Variants in NELL2 observed in about 807,000 individuals in gnomAD.
The protein encoded by NELL2 is protein kinase C-binding protein NELL2.
In NELL2, 41 loss-of-function variants were observed where a neutral mutation model predicts 109.6. That is an observed-to-expected ratio of 0.37 (90% confidence interval 0.29 to 0.49). The LOEUF (loss-of-function observed/expected upper bound fraction) is 0.49, where lower values mean the gene tolerates loss of function less well. Ranked by LOEUF, NELL2 falls within the 20% of genes least tolerant of loss-of-function variation. The pLI, the probability that NELL2 is intolerant of heterozygous loss-of-function variation, is 0.98. For synonymous variants in NELL2, 355 were observed against 344.7 expected (o/e 1.03, Z -0.33); for missense variants, 900 against 1,008.3 (o/e 0.89, Z 1.45).
At chr12:44,514,445 AC>A (rs1274339115) in intron 19 of NELL2, among the ~76,000 whole-genome samples, 1 of 151,892 alleles carries the variant, frequency 6.6e-6, no homozygotes, top group Non-Finnish European at 1.5e-5. Context: ...GTATGATAAA[AC>A]ATTTTGACAG....
intron 3 of NELL2, among the ~76,000 whole-genome samples, chr12:44,804,957 T>C (rs557828348): frequency 2.6e-5 from 4 of 151,938 alleles, no homozygotes; most frequent in Non-Finnish European, 4.4e-5. Context: ...TCCATTTTTC[T>C]AGTAATACGT....
chr12:44,595,577 C>T (rs928605488), intron 15 of NELL2, among the ~76,000 whole-genome samples: 13 of 149,978 alleles, frequency 8.7e-5, no homozygotes, highest in Non-Finnish European at 1.8e-4. Flanking sequence ...CAGGCGCCTG[C>T]CACCACACCC....
At chr12:44,852,715 G>A (rs1319975095) in intron 2 of NELL2, among the ~76,000 whole-genome samples, 1 of 152,264 alleles carries the variant, frequency 6.6e-6, no homozygotes, top group East Asian at 1.9e-4. Context: ...CTCCCCACTC[G>A]ACAGTTTCCT....
chr12:44,634,459 G>T (rs1592242209), intron 13 of NELL2, among the ~76,000 whole-genome samples: 1 of 152,028 alleles, frequency 6.6e-6, no homozygotes, highest in East Asian at 1.9e-4. Context: ...TGCTGAGAAT[G>T]ATGGTTTCCA....
chr12:44,777,610 G>A (rs1158874424), intron 5 of NELL2, among the ~76,000 whole-genome samples: 3 of 152,114 alleles, frequency 2.0e-5, no homozygotes, highest in Non-Finnish European at 4.4e-5. Flanking sequence ...TTTTTAGTTA[G>A]CCACTGACGG....
At chr12:44,876,352 C>T, upstream of NELL2, 1 of 1,205,006 alleles carries the variant, frequency 8.3e-7, no homozygotes, top group African/African-American at 1.6e-5. Context: ...GAGACTGCTC[C>T]TCCGGGGAGG....
intron 12 of NELL2, among the ~76,000 whole-genome samples, chr12:44,673,706 A>G (rs963704557): frequency 1.3e-5 from 2 of 152,244 alleles, no homozygotes; most frequent in Non-Finnish European, 2.9e-5. Context: ...GAAATGGATG[A>G]TGATCATTAT....
At chr12:44,840,908 G>C (rs867786712) in intron 2 of NELL2, among the ~76,000 whole-genome samples, 2 of 152,170 alleles carry the variant, frequency 1.3e-5, no homozygotes, top group South Asian at 4.1e-4. Context: ...TCCTATGGTA[G>C]TTGTTTATGT....
chr12:44,571,346 A>G (rs1943866526), intron 15 of NELL2, among the ~76,000 whole-genome samples: 1 of 152,246 alleles, frequency 6.6e-6, no homozygotes, highest in African/African-American at 2.4e-5. Context: ...CAATTCAGGC[A>G]TGAGTCAGCA....
At chr12:44,647,788 C>T (rs1947146876) in intron 13 of NELL2, among the ~76,000 whole-genome samples, 2 of 152,162 alleles carry the variant, frequency 1.3e-5, no homozygotes, top group African/African-American at 4.8e-5. Flanking sequence ...ATGAAAACCA[C>T]ATCAGCTAAG....
intron 3 of NELL2, among the ~76,000 whole-genome samples, chr12:44,793,580 C>G (rs745535031): frequency 1.3e-5 from 2 of 152,114 alleles, no homozygotes; most frequent in Non-Finnish European, 2.9e-5. Flanking sequence ...GATGGTGATA[C>G]AACACCCTAC....
At position 44,607,056 on chromosome 12, in the gene NELL2, A is replaced by G. The variant is rs1592197250; in HGVS notation, c.1663+113T>C. The G allele has an allele frequency of 1.5e-5, 13 of 841,840 alleles. No homozygotes were observed. The East Asian group carries it at 3.7e-4, about 24-fold the overall frequency. The allele number at this position is 841,840 out of a possible 1,614,324, so 52.1% of individuals were successfully genotyped here. A position where few individuals can be genotyped will look rare whatever the true frequency, so the allele number is the denominator to read the frequency against. On this transcript the variant is annotated intron_variant, in intron 15 of 19. Transcript: ENST00000429094. ...CCTCCCTCCTATCACTTCCTTATTA[A>G]TAGCTCCATGCTTTGAGAGCCCACT...
chr12:44,898,298 C>A (rs547620190), intron 1 of NELL2, among the ~76,000 whole-genome samples: 1 of 152,170 alleles, frequency 6.6e-6, no homozygotes, highest in Non-Finnish European at 1.5e-5. Context: ...GACCCCAATG[C>A]CTCCTGATGG....
chr12:44,676,046 G>T (rs1292128991), intron 12 of NELL2, among the ~76,000 whole-genome samples: 2 of 152,166 alleles, frequency 1.3e-5, no homozygotes, highest in East Asian at 3.9e-4. Context: ...CCTGTAAAAA[G>T]ATTATATTAG....
chr12:44,703,883 G>C (rs761685139), intron 11 of NELL2, 29 bp from the exon 12 acceptor site: 31 of 1,592,456 alleles, frequency 1.9e-5, no homozygotes, highest in Non-Finnish European at 2.4e-5. Context: ...ATTTATTAAG[G>C]TAAATGAAAC....
chr12:44,645,451 G>A (rs548769193), intron 13 of NELL2, among the ~76,000 whole-genome samples: 2 of 152,262 alleles, frequency 1.3e-5, no homozygotes, highest in South Asian at 4.1e-4. Flanking sequence ...TAAAACAAAG[G>A]ACATGAATAT....
At chr12:44,904,402 C>G (rs1321163689) in intron 1 of NELL2, among the ~76,000 whole-genome samples, 1 of 152,140 alleles carries the variant, frequency 6.6e-6, no homozygotes, top group African/African-American at 2.4e-5. Context: ...AAGTGATACT[C>G]AACGCTTGCA....
chr12:44,511,438 G>A (rs1237994244), intron 19 of NELL2, among the ~76,000 whole-genome samples: 3 of 152,124 alleles, frequency 2.0e-5, no homozygotes, highest in Non-Finnish European at 4.4e-5. Context: ...GTTTTCACTT[G>A]GTATTCCCCC....
chr12:44,714,763 T>C (rs201700690), intron 9 of NELL2, 22 bp from the exon 10 acceptor site: 104 of 1,467,022 alleles, frequency 7.1e-5, no homozygotes, highest in Non-Finnish European at 9.4e-5. Flanking sequence ...AAAATACATA[T>C]ATATTTATTT....
Sources: gnomAD v4.1 joint callset for allele counts (sites outside exome capture counted in the v4.1 genomes callset) on GRCh38, gnomAD v4.1.1 for gene constraint, MANE v1.5 for transcripts, NCBI Gene and HGNC (gene_info 2026-07-23, HGNC 2026-07-21) for gene names.